The following ARHGEF3 variants were observed in gnomAD, a reference collection of about 807,000 sequenced individuals.
The protein encoded by ARHGEF3 is 59.8 kDA protein.
A neutral mutation model predicts 63.2 loss-of-function variants in ARHGEF3; 28 were observed. The ratio of observed to expected loss-of-function variants is 0.44; its 90% CI spans 0.33 to 0.61. The LOEUF (loss-of-function observed/expected upper bound fraction) is 0.61, where lower values mean the gene tolerates loss of function less well. Ranked by LOEUF, ARHGEF3 falls within the 20% of genes least tolerant of loss-of-function variation. The probability of loss-of-function intolerance (pLI) is 0.03; values close to 1 mark genes in which losing one functional copy is unlikely to be tolerated. For synonymous variants in ARHGEF3, 266 were observed against 254.2 expected (o/e 1.05, Z -0.44); for missense variants, 533 against 659.3 (o/e 0.81, Z 2.10).
chr3:57,022,090 A>G (rs1872951), intron 2 of ARHGEF3, among the ~76,000 whole-genome samples: 100,359 of 152,000 alleles, frequency 0.66, 33,493 homozygotes, highest in African/African-American at 0.76. Context: ...GGGTAACCCA[A>G]TGAGACCTTG....
intron 3 of ARHGEF3, among the ~76,000 whole-genome samples, chr3:56,950,081 T>G (rs1270926748): frequency 6.6e-6 from 1 of 152,016 alleles, no homozygotes; most frequent in Non-Finnish European, 1.5e-5. Context: ...TAGCCATATG[T>G]AGAAAGCTGA....
intron 4 of ARHGEF3, among the ~76,000 whole-genome samples, chr3:56,831,990 C>T (rs190619657): frequency 1.3e-5 from 2 of 152,318 alleles, no homozygotes; most frequent in African/African-American, 4.8e-5. Flanking sequence ...AGAACTTTGA[C>T]GTTCTTCCTA....
chr3:56,959,355 A>G (rs905483831), intron 2 of ARHGEF3, among the ~76,000 whole-genome samples: 3 of 152,140 alleles, frequency 2.0e-5, no homozygotes, highest in African/African-American at 4.8e-5. Flanking sequence ...CGGGACATTT[A>G]GCCCCCGCGT....
At chr3:56,928,636 C>T (rs2042336263) in intron 3 of ARHGEF3, among the ~76,000 whole-genome samples, 1 of 152,148 alleles carries the variant, frequency 6.6e-6, no homozygotes, top group Non-Finnish European at 1.5e-5. Context: ...TCAGCTTAGC[C>T]TTTGCCCAAA....
At chr3:57,063,642 C>T (rs993680877) in intron 1 of ARHGEF3, among the ~76,000 whole-genome samples, 34 of 152,048 alleles carry the variant, frequency 2.2e-4, no homozygotes, top group Admixed American at 4.6e-4. Context: ...TCAGGAGAGT[C>T]GGGCATCCTA....
intron 6 of ARHGEF3, among the ~76,000 whole-genome samples, chr3:56,748,386 G>A (rs956822490): frequency 2.0e-5 from 3 of 152,076 alleles, no homozygotes; most frequent in Admixed American, 6.5e-5. Context: ...TACTTGCTCA[G>A]CTGGAGACAA....
intron 4 of ARHGEF3, among the ~76,000 whole-genome samples, chr3:56,823,174 T>C (rs2108045934): frequency 6.6e-6 from 1 of 152,332 alleles, no homozygotes; most frequent in Middle Eastern, 3.4e-3. Flanking sequence ...TCCTATAGTT[T>C]CCTCTTGCAG....
chr3:56,796,977 C>T (rs2107947809), intron 1 of ARHGEF3, among the ~76,000 whole-genome samples: 1 of 152,236 alleles, frequency 6.6e-6, no homozygotes, highest in South Asian at 2.1e-4. Context: ...TTCTTAAAAC[C>T]ATTTTAAGAA....
intron 2 of ARHGEF3, among the ~76,000 whole-genome samples, chr3:56,978,537 A>T (rs1370146851): frequency 6.6e-6 from 1 of 152,254 alleles, no homozygotes; most frequent in African/African-American, 2.4e-5. Context: ...TAACTAGCCA[A>T]ATGGAAATTT....
At chr3:57,012,808 C>T (rs903671774) in intron 2 of ARHGEF3, among the ~76,000 whole-genome samples, 3 of 152,294 alleles carry the variant, frequency 2.0e-5, no homozygotes, top group South Asian at 2.1e-4. Flanking sequence ...TTCAGCCCAC[C>T]GCTGCACTGT....
At chr3:57,012,946 G>C (rs1394590595) in intron 2 of ARHGEF3, among the ~76,000 whole-genome samples, 1 of 152,220 alleles carries the variant, frequency 6.6e-6, no homozygotes, top group Non-Finnish European at 1.5e-5. Flanking sequence ...ATTCCGGGTG[G>C]GTGCGGGCTT....
intron 3 of ARHGEF3, among the ~76,000 whole-genome samples, chr3:56,916,865 G>C (rs925328233): frequency 6.6e-6 from 1 of 152,164 alleles, no homozygotes; most frequent in Non-Finnish European, 1.5e-5. Flanking sequence ...GGGATACAGA[G>C]CCCACACTGA....
At chr3:56,767,321 G>A (rs561803483) in intron 2 of ARHGEF3, among the ~76,000 whole-genome samples, 3 of 151,976 alleles carry the variant, frequency 2.0e-5, no homozygotes, top group East Asian at 1.9e-4. Flanking sequence ...GGTGGCTCAC[G>A]CCTGTAATCC....
intron 1 of ARHGEF3, among the ~76,000 whole-genome samples, chr3:57,052,290 C>T (rs995043542): frequency 1.3e-5 from 2 of 152,112 alleles, no homozygotes; most frequent in Admixed American, 1.3e-4. Context: ...CATTCTGGCT[C>T]CAGAGCCTAC....
chr3:56,821,917 C>T (rs1004577154), intron 4 of ARHGEF3, among the ~76,000 whole-genome samples: 5 of 151,072 alleles, frequency 3.3e-5, no homozygotes, highest in Non-Finnish European at 7.4e-5. Flanking sequence ...TAAGCCAAGT[C>T]GCACCACTGC....
intron 4 of ARHGEF3, among the ~76,000 whole-genome samples, chr3:56,881,135 T>C (rs1209880150): frequency 1.3e-5 from 2 of 152,216 alleles, no homozygotes; most frequent in Non-Finnish European, 2.9e-5. Flanking sequence ...GAAGGGCTGA[T>C]CCCAAACATT....
intron 3 of ARHGEF3, among the ~76,000 whole-genome samples, chr3:56,951,522 T>C (rs1294414383): frequency 2.0e-5 from 3 of 152,030 alleles, no homozygotes; most frequent in African/African-American, 7.3e-5. Context: ...AAAACATCCA[T>C]GTAACTCACT....
intron 3 of ARHGEF3, 74 bp from the exon 4 acceptor site, chr3:56,753,640 C>T (rs914636941): frequency 1.5e-6 from 2 of 1,364,820 alleles, no homozygotes; most frequent in Non-Finnish European, 2.1e-6. Flanking sequence ...GTGCTGGCTC[C>T]ACCACTCAAA....
intron 1 of ARHGEF3, among the ~76,000 whole-genome samples, chr3:57,043,721 A>G (rs1291747219): frequency 6.6e-6 from 1 of 152,176 alleles, no homozygotes; most frequent in African/African-American, 2.4e-5. Flanking sequence ...ACAAGGAGGA[A>G]AAAGAGATTA....
Sources: allele counts gnomAD v4.1 joint callset (sites outside exome capture counted in the v4.1 genomes callset), GRCh38; gene constraint gnomAD v4.1.1; transcripts MANE v1.5; gene names NCBI Gene and HGNC (gene_info 2026-07-23, HGNC 2026-07-21).